Variants in GLIS3 observed in about 807,000 individuals in gnomAD.
GLIS3 encodes zinc finger protein GLIS3.
GLIS3 carries 53 observed loss-of-function variants against 78.6 expected under a neutral mutation model. The ratio of observed to expected loss-of-function variants is 0.67; its 90% CI spans 0.54 to 0.85. The LOEUF is 0.85. Ranked by LOEUF, GLIS3 falls within the 40% of genes least tolerant of loss-of-function variation. The pLI is 0.00. For missense variants in GLIS3, 1,703 were observed against 1,231.1 expected (o/e 1.38, Z -5.74); for synonymous variants, 684 against 509.9 (o/e 1.34, Z -4.60).
intron 2 of GLIS3, among the ~76,000 whole-genome samples, chr9:4,196,468 G>A (rs191328386): frequency 6.6e-6 from 1 of 152,162 alleles, no homozygotes; most frequent in Non-Finnish European, 1.5e-5. Flanking sequence ...CTCACTATTT[G>A]GGTCCGCACT....
At chr9:4,400,010 T>C in the GLIS3 span, among the ~76,000 whole-genome samples, 1 of 151,950 alleles carries the variant, frequency 6.6e-6, no homozygotes, top group Non-Finnish European at 1.5e-5. Context: ...GATTGGGCAA[T>C]GGGATGAGAC....
the GLIS3 span, among the ~76,000 whole-genome samples, chr9:4,419,359 C>T: frequency 1.3e-5 from 2 of 152,272 alleles, no homozygotes; most frequent in East Asian, 3.9e-4. Context: ...ATTGGCTCAC[C>T]GTTCTGCAGG....
intron 2 of GLIS3, among the ~76,000 whole-genome samples, chr9:4,327,176 T>C (rs1200488500): frequency 1.3e-5 from 2 of 151,540 alleles, no homozygotes; most frequent in African/African-American, 4.9e-5. Context: ...GAAGGGAGAG[T>C]GTCCAGTGTC....
rs559017332 is a variant in GLIS3 at position 3,879,532 on chromosome 9, G to C, written c.2192C>G (p.Pro731Arg). 1.2e-6 allele frequency: 2 copies of C among 1,614,110 alleles called. No homozygotes were observed. Among genetic ancestry groups the C allele is most frequent in the South Asian group, 1.1e-5 (1 of 91,076 alleles). Residue 731 changes from proline (P) to arginine (R), a missense_variant, in exon 8 of 11, where the codon CCA becomes CGA. Coordinates refer to ENST00000381971, the MANE Select transcript of GLIS3 (RefSeq NM_001042413.2). The part of the protein sequence containing the change: ...SGTAAGAVPP[P>R]HPVSHPSPGH... ...TGGAGAAGGGTGACTGACAGGATGT[G>C]GGGGTGGTACGGCCCCAGCAGCTGT...
In GLIS3 at chr9:4,299,826, G is replaced by C. The variant is rs1395824524; in HGVS notation, c.-504C>G. On this transcript the variant is annotated 5_prime_UTR_variant, in exon 1 of 11. Transcript: ENST00000381971. ...GTCCTGGGCCGGGGAATGCTTCTGG[G>C]GGCCGACCCCGGGATGCTGGCTAAT... 1 of 152,506 alleles carries C rather than the reference G, an allele frequency of 6.6e-6. No homozygotes were observed. Among genetic ancestry groups the C allele is most frequent in the African/African-American group, 2.4e-5 (1 of 41,444 alleles). 9.4% of individuals were successfully genotyped at this position (152,506 alleles called of 1,614,324 possible).
intron 4 of GLIS3, among the ~76,000 whole-genome samples, chr9:4,095,237 G>A (rs1194406089): frequency 6.6e-6 from 1 of 152,012 alleles, no homozygotes; most frequent in Non-Finnish European, 1.5e-5. Flanking sequence ...CACATCCTTT[G>A]AACTAGCCTT....
At chr9:4,147,848 G>T (rs890635551) in intron 2 of GLIS3, among the ~76,000 whole-genome samples, 1 of 152,014 alleles carries the variant, frequency 6.6e-6, no homozygotes, top group Non-Finnish European at 1.5e-5. Flanking sequence ...CATTCTAATG[G>T]CTAAACTAGG....
At chr9:4,077,690 G>A (rs1453901694) in intron 4 of GLIS3, among the ~76,000 whole-genome samples, 1 of 152,056 alleles carries the variant, frequency 6.6e-6, no homozygotes, top group Non-Finnish European at 1.5e-5. Flanking sequence ...ACCAACAGGG[G>A]GCGCGGGGGG....
At chr9:4,487,694 TTTTTTTTTAAATAGA>T in the GLIS3 span, among the ~76,000 whole-genome samples, 64 of 152,192 alleles carry the variant, frequency 4.2e-4, no homozygotes, top group African/African-American at 1.5e-3. Context: ...AACACTTTTT[TTTTTTTTTAAATAGA>T]TAGAGTCTCG....
chr9:4,370,680 G>A, the GLIS3 span, among the ~76,000 whole-genome samples: 1 of 150,832 alleles, frequency 6.6e-6, no homozygotes, highest in South Asian at 2.1e-4. Context: ...ACATAATAGA[G>A]TGTATTTTAT....
intron 1 of GLIS3, among the ~76,000 whole-genome samples, chr9:4,287,243 G>A (rs944447621): frequency 1.3e-5 from 2 of 152,182 alleles, no homozygotes; most frequent in African/African-American, 4.8e-5. Context: ...ACGCCTTACA[G>A]GGAGCATAAG....
At chr9:4,342,078 G>A (rs1046697052) in intron 2 of GLIS3, among the ~76,000 whole-genome samples, 4 of 152,168 alleles carry the variant, frequency 2.6e-5, no homozygotes, top group Non-Finnish European at 2.9e-5. Flanking sequence ...AGTTTCTTTT[G>A]CTGTGCAGAG....
At chr9:4,391,638 A>C in the GLIS3 span, among the ~76,000 whole-genome samples, 3 of 152,024 alleles carry the variant, frequency 2.0e-5, no homozygotes, top group Non-Finnish European at 2.9e-5. Context: ...TATTTAACCG[A>C]AATTTGGGGG....
intron 6 of GLIS3, among the ~76,000 whole-genome samples, chr9:3,921,538 G>C (rs1402935020): frequency 6.6e-6 from 1 of 152,152 alleles, no homozygotes; most frequent in Non-Finnish European, 1.5e-5. Flanking sequence ...GAAAGCTGGA[G>C]TTTAAACAAA....
chr9:4,297,065 G>A (rs528173933), intron 1 of GLIS3, among the ~76,000 whole-genome samples: 11 of 151,896 alleles, frequency 7.2e-5, no homozygotes, highest in Non-Finnish European at 1.5e-4. Flanking sequence ...AAACTAGGAG[G>A]AGATAAAAGA....
chr9:3,842,702 C>G (rs1019603696), intron 9 of GLIS3, among the ~76,000 whole-genome samples: 1 of 152,222 alleles, frequency 6.6e-6, no homozygotes, highest in Non-Finnish European at 1.5e-5. Context: ...ACGGCCGACT[C>G]TGGAAGAAGT....
chr9:4,383,164 C>T, the GLIS3 span, among the ~76,000 whole-genome samples: 3 of 152,194 alleles, frequency 2.0e-5, no homozygotes, highest in Admixed American at 6.5e-5. Flanking sequence ...AGTAGGCCTC[C>T]CACTGGCCCA....
intron 4 of GLIS3, among the ~76,000 whole-genome samples, chr9:4,089,178 G>C (rs994152158): frequency 6.6e-6 from 1 of 152,192 alleles, no homozygotes; most frequent in Non-Finnish European, 1.5e-5. Context: ...CTCAACTGCA[G>C]TGTGGAAGTT....
At chr9:4,402,068 G>T in the GLIS3 span, among the ~76,000 whole-genome samples, 9 of 152,298 alleles carry the variant, frequency 5.9e-5, no homozygotes, top group Admixed American at 3.3e-4. Flanking sequence ...GGAACTCACC[G>T]TCTTAAAAGG....
Sources: gnomAD v4.1 joint callset for allele counts (sites outside exome capture counted in the v4.1 genomes callset) on GRCh38, gnomAD v4.1.1 for gene constraint, MANE v1.5 for transcripts, NCBI Gene and HGNC (gene_info 2026-07-23, HGNC 2026-07-21) for gene names.